Variants in USP37 observed in about 807,000 individuals in gnomAD.
USP37 encodes ubiquitin carboxyl-terminal hydrolase 37.
A neutral mutation model predicts 124.0 loss-of-function variants in USP37; 27 were observed. The observed-to-expected ratio is 0.22, with a 90% CI of 0.16 to 0.30. The LOEUF is 0.30. USP37 is among the 10% of genes least tolerant of loss of function. The pLI, the probability that USP37 is intolerant of heterozygous loss-of-function variation, is 1.00. For missense variants in USP37, 889 were observed against 1,140.4 expected (o/e 0.78, Z 3.17); for synonymous variants, 365 against 388.0 (o/e 0.94, Z 0.70).
At chr2:218,496,327 A>G (rs1257402415) in intron 13 of USP37, among the ~76,000 whole-genome samples, 2 of 152,204 alleles carry the variant, frequency 1.3e-5, no homozygotes, top group Non-Finnish European at 2.9e-5. Flanking sequence ...AACAAAAAAC[A>G]AAACAAACAA....
At chr2:218,525,318 G>A (rs866448516) in intron 10 of USP37, among the ~76,000 whole-genome samples, 37 of 151,876 alleles carry the variant, frequency 2.4e-4, no homozygotes, top group African/African-American at 8.2e-4. Context: ...CCGTGTCTAC[G>A]AAAAATACCA....
rs2106401676 is a variant in USP37 at position 218,454,895 on chromosome 2, A to G, written c.*35T>C. The G allele has an allele frequency of 6.2e-7, 1 of 1,608,682 alleles. No individual in the cohort carries two copies. Among genetic ancestry groups the G allele is most frequent in the Non-Finnish European group, 8.5e-7 (1 of 1,178,624 alleles). On this transcript the variant is annotated 3_prime_UTR_variant, in exon 26 of 26. Coordinates refer to ENST00000258399, the MANE Select transcript of USP37 (RefSeq NM_020935.3). ...GGTGAGGTGGGCAGCAGTAACAAAT[A>G]TGCAGTGCATGCTGCCAACCCAGGA...
At chr2:218,510,577 A>G (rs1689925443) in intron 10 of USP37, among the ~76,000 whole-genome samples, 1 of 152,204 alleles carries the variant, frequency 6.6e-6, no homozygotes, top group Non-Finnish European at 1.5e-5. Flanking sequence ...AGGTATTTTC[A>G]ATCTTCATTT....
Position 218,463,374 on chromosome 2 carries a change from G to A in USP37, c.2467-8C>T. Reference sequence around the variant, plus strand: ...TTTCTGTTCCCAAGCCTCCTAAAGGGAAAAGAACAAAAACTAAGGTATTTA... The same window carrying A: ...TTTCTGTTCCCAAGCCTCCTAAAGGAAAAAGAACAAAAACTAAGGTATTTA... On this transcript the variant is annotated splice_region_variant and splice_polypyrimidine_tract_variant and intron_variant, in intron 21 of 25. Transcript: ENST00000258399. The A allele has an allele frequency of 6.2e-7, 1 of 1,613,556 alleles. No homozygotes were observed. The highest frequency in any genetic ancestry group is 8.5e-7 in the Non-Finnish European group (1 of 1,179,848).
intron 5 of USP37, among the ~76,000 whole-genome samples, chr2:218,552,595 GA>G (rs1220677328): frequency 6.7e-6 from 1 of 148,216 alleles, no homozygotes; most frequent in East Asian, 2.0e-4. Flanking sequence ...TCAAAAAAAA[GA>G]AAAAGAAAAA....
chr2:218,555,998 A>C (rs1009961746), intron 4 of USP37, among the ~76,000 whole-genome samples: 3 of 152,062 alleles, frequency 2.0e-5, no homozygotes, highest in African/African-American at 7.2e-5. Flanking sequence ...TTCCTCATCT[A>C]AACTCCCATA....
chr2:218,537,307 G>A (rs1378810194), intron 8 of USP37, among the ~76,000 whole-genome samples: 1 of 152,156 alleles, frequency 6.6e-6, no homozygotes, highest in African/African-American at 2.4e-5. Context: ...GTCTAAAGGT[G>A]CCCTGCAGGT....
At chr2:218,521,572 T>C (rs964259328) in intron 10 of USP37, among the ~76,000 whole-genome samples, 1 of 152,206 alleles carries the variant, frequency 6.6e-6, no homozygotes, top group Non-Finnish European at 1.5e-5. Flanking sequence ...CTGCCACTTA[T>C]GAGTGAAAAC....
chr2:218,494,647 G>C (rs1422956743), intron 14 of USP37, among the ~76,000 whole-genome samples: 1 of 152,144 alleles, frequency 6.6e-6, no homozygotes, highest in Non-Finnish European at 1.5e-5. Flanking sequence ...AGTCATGTGT[G>C]AAAGTCATAG....
intron 11 of USP37, among the ~76,000 whole-genome samples, chr2:218,507,743 G>T (rs541586432): frequency 6.6e-6 from 1 of 152,060 alleles, no homozygotes; most frequent in South Asian, 2.1e-4. Context: ...CTTTCATTTT[G>T]ACATGATCCT....
At chr2:218,512,030 C>T (rs944811434) in intron 10 of USP37, among the ~76,000 whole-genome samples, 5 of 151,910 alleles carry the variant, frequency 3.3e-5, no homozygotes, top group Non-Finnish European at 7.4e-5. Context: ...CCAATTGTTC[C>T]CAAATTACTT....
At chr2:218,456,981 G>T in intron 24 of USP37, 111 bp downstream of exon 24, 4 of 1,052,044 alleles carry the variant, frequency 3.8e-6, no homozygotes, top group South Asian at 1.6e-5. Context: ...AAAAAAAAAA[G>T]AAAAAGAAAA....
intron 10 of USP37, among the ~76,000 whole-genome samples, chr2:218,515,942 C>T (rs61369578): frequency 0.062 from 7,450 of 120,204 alleles, 522 homozygotes; most frequent in African/African-American, 0.2. Context: ...AAAAAAAGCT[C>T]GTCATCACTG....
At chr2:218,537,313 C>CTAA (rs1691709619) in intron 8 of USP37, among the ~76,000 whole-genome samples, 1 of 152,194 alleles carries the variant, frequency 6.6e-6, no homozygotes, top group Non-Finnish European at 1.5e-5. Flanking sequence ...AGGTGCCCTG[C>CTAA]AGGTTTCCAC....
chr2:218,538,250 G>GAA (rs1202241420), intron 8 of USP37, among the ~76,000 whole-genome samples: 1 of 152,180 alleles, frequency 6.6e-6, no homozygotes. Flanking sequence ...CCTCCATTGT[G>GAA]CAGAGCTTGG....
At chr2:218,519,526 G>A (rs567073152) in intron 10 of USP37, among the ~76,000 whole-genome samples, 1 of 152,090 alleles carries the variant, frequency 6.6e-6, no homozygotes, top group African/African-American at 2.4e-5. Context: ...GCACTGCTTG[G>A]TCTTTCAGCA....
rs960200021 is a variant in USP37, at chr2:218,511,540, C to T, written c.864-1400G>A. On this transcript the variant is annotated intron_variant, in intron 10 of 25. Transcript: ENST00000258399. ...AGCCAGGCTGGTCTCGAACTCCTGA[C>T]CTCAGGTGACCTGCCCGCCTCGGCC... Among the ~76,000 whole-genome samples the T allele has an allele frequency of 2.0e-5, 3 of 152,014 alleles. No individual in the cohort carries two copies. In the South Asian group the frequency reaches 6.2e-4, roughly 31 times the overall value.
chr2:218,539,283 A>G (rs1691841049), intron 8 of USP37, among the ~76,000 whole-genome samples: 1 of 152,108 alleles, frequency 6.6e-6, no homozygotes, highest in African/African-American at 2.4e-5. Context: ...TAACTAAGCA[A>G]TTATCCTGTA....
At position 218,451,028 on chromosome 2, in the gene USP37, C is replaced by T. The variant is rs931790830; in HGVS notation, c.*3902G>A. 2 of 152,126 alleles carry T rather than the reference C, an allele frequency of 1.3e-5. No individual in the cohort carries two copies. Among genetic ancestry groups the T allele is most frequent in the African/African-American group, 4.8e-5 (2 of 41,424 alleles). The allele number at this position is 152,126 out of a possible 1,614,324, so 9.4% of individuals were successfully genotyped here. A position where few individuals can be genotyped will look rare whatever the true frequency, so the allele number is the denominator to read the frequency against. Reference sequence around the variant, plus strand: ...ACACAGCAAAATAATTGTCACAAAACTTTCAAGGCCTAACAAATTAGAATT... The same window carrying T: ...ACACAGCAAAATAATTGTCACAAAATTTTCAAGGCCTAACAAATTAGAATT... On this transcript the variant is annotated 3_prime_UTR_variant, in exon 26 of 26. Transcript: ENST00000258399.
Sources: gnomAD v4.1 joint callset for allele counts (sites outside exome capture counted in the v4.1 genomes callset) on GRCh38, gnomAD v4.1.1 for gene constraint, MANE v1.5 for transcripts, NCBI Gene and HGNC (gene_info 2026-07-23, HGNC 2026-07-21) for gene names.